Variants in ZP2 observed in about 807,000 individuals in gnomAD.
ZP2 encodes the protein zona pellucida sperm-binding protein 2.
A neutral mutation model predicts 84.0 loss-of-function variants in ZP2; 51 were observed. That is an observed-to-expected ratio of 0.61 (90% confidence interval 0.49 to 0.77). The LOEUF (loss-of-function observed/expected upper bound fraction) is 0.77. ZP2 is among the 30% of genes least tolerant of loss of function. The pLI, the probability that ZP2 is intolerant of heterozygous loss-of-function variation, is 0.00. For missense variants in ZP2, 909 were observed against 911.9 expected (o/e 1.00, Z 0.04); for synonymous variants, 375 against 330.9 (o/e 1.13, Z -1.45).
At chr16:21,209,753 G>A (rs915165584) in intron 3 of ZP2, 28 bp from the exon 4 acceptor site, 2 of 1,599,934 alleles carry the variant, frequency 1.3e-6, no homozygotes, top group Middle Eastern at 1.7e-4. Context: ...GGTTAGACAG[G>A]ATGGCTGAGT....
chr16:21,202,677 A>T (rs1005477369), intron 10 of ZP2, among the ~76,000 whole-genome samples: 1 of 152,114 alleles, frequency 6.6e-6, no homozygotes, highest in Non-Finnish European at 1.5e-5. Flanking sequence ...TAGTTTGGGG[A>T]GAAACTGAGG....
intron 5 of ZP2, among the ~76,000 whole-genome samples, chr16:21,206,324 T>G (rs916830232): frequency 6.6e-6 from 1 of 152,208 alleles, no homozygotes; most frequent in African/African-American, 2.4e-5. Context: ...CGTTTGCCCT[T>G]TCACCAATGT....
At chr16:21,211,964 G>A (rs2093277258), upstream of ZP2, among the ~76,000 whole-genome samples, 1 of 144,890 alleles carries the variant, frequency 6.9e-6, no homozygotes, top group South Asian at 2.1e-4. Flanking sequence ...GTTTCACTCT[G>A]TCACCCAGGC....
At chr16:21,213,438 G>A (rs1404372704), upstream of ZP2, among the ~76,000 whole-genome samples, 1 of 152,172 alleles carries the variant, frequency 6.6e-6, no homozygotes, top group Non-Finnish European at 1.5e-5. Flanking sequence ...TGTAACCTGA[G>A]GCATCTGAAA....
chr16:21,214,312 G>A (rs147602933), upstream of ZP2: 32 of 984,548 alleles, frequency 3.3e-5, no homozygotes, highest in Middle Eastern at 1.0e-3. Context: ...ATTCTGCTCC[G>A]GAAAAGCAGG....
chr16:21,205,908 T>C, intron 5 of ZP2, 133 bp from the exon 6 acceptor site: 1 of 814,842 alleles, frequency 1.2e-6, no homozygotes, highest in Non-Finnish European at 2.1e-6. Context: ...ACATGAACCC[T>C]GACTGTGCCC....
chr16:21,205,884 G>A lies in ZP2; in HGVS notation c.484-109C>T, dbSNP rs2093247497. On this transcript the variant is annotated intron_variant, in intron 5 of 18. Coordinates refer to ENST00000574091, the MANE Select transcript of ZP2 (RefSeq NM_001376232.1). ...CATACCAAAAGGCCTGCTGTGGGAT[G>A]CAGTGGAAGAAGCACATGAACCCTG... 6 of 1,067,348 alleles carry A rather than the reference G, an allele frequency of 5.6e-6. No individual in the cohort carries two copies. In the East Asian group the frequency reaches 1.3e-4, roughly 23 times the overall value. The allele number at this position is 1,067,348 out of a possible 1,614,324, so 66.1% of individuals were successfully genotyped here.
intron 9 of ZP2, 32 bp from the exon 10 acceptor site, chr16:21,203,283 A>G (rs754977565): frequency 6.2e-7 from 1 of 1,610,252 alleles, no homozygotes; most frequent in Non-Finnish European, 8.5e-7. Context: ...TAGCAGCCAC[A>G]GTCCGTTGGG....
chr16:21,211,462 C>T, intron 1 of ZP2, 24 bp downstream of exon 1: 3 of 1,614,040 alleles, frequency 1.9e-6, no homozygotes, highest in African/African-American at 1.3e-5. Context: ...CATACCCCCT[C>T]CCTCCACTTC....
chr16:21,207,671 CACACACACA>C (rs781689090), intron 4 of ZP2, among the ~76,000 whole-genome samples: 1 of 83,060 alleles, frequency 1.2e-5, no homozygotes, highest in African/African-American at 5.6e-5. Flanking sequence ...CACACACACA[CACACACACA>C]CCACAAAAGT....
intron 10 of ZP2, 38 bp from the exon 11 acceptor site, chr16:21,202,329 C>A (rs145342588): frequency 2.7e-6 from 4 of 1,479,330 alleles, no homozygotes; most frequent in Non-Finnish European, 3.6e-6. Context: ...ATAAGTTTGT[C>A]TGCCCTGTGA....
chr16:21,211,658 G>A, upstream of ZP2: 5 of 1,593,042 alleles, frequency 3.1e-6, no homozygotes, highest in Non-Finnish European at 4.3e-6. Context: ...CCTGAATCTT[G>A]TCCCATTCTC....
intron 10 of ZP2, 40 bp downstream of exon 10, chr16:21,203,085 A>G: frequency 6.2e-7 from 1 of 1,602,534 alleles, no homozygotes; most frequent in Non-Finnish European, 8.5e-7. Flanking sequence ...GAGCCAAGGG[A>G]GAAAAAAGGT....
intron 5 of ZP2, chr16:21,206,031 C>A: frequency 1.9e-6 from 1 of 513,580 alleles, no homozygotes. Context: ...TAGAGTTTCG[C>A]TCATCGCCCA....
At chr16:21,210,877 A>AATTTTTTTTT (rs756734410) in intron 2 of ZP2, among the ~76,000 whole-genome samples, 1 of 133,638 alleles carries the variant, frequency 7.5e-6, no homozygotes, top group African/African-American at 2.9e-5. Flanking sequence ...GCCTGGCTGC[A>AATTTTTTTTT]TTTTTTTTTT....
At chr16:21,214,138 G>A, upstream of ZP2, 1 of 708,096 alleles carries the variant, frequency 1.4e-6, no homozygotes, top group Middle Eastern at 7.2e-4. Flanking sequence ...GGGCAGCACA[G>A]AGACCCCAAG....
intron 17 of ZP2, among the ~76,000 whole-genome samples, chr16:21,198,420 G>A (rs754205138): frequency 6.6e-6 from 1 of 152,110 alleles, no homozygotes; most frequent in Non-Finnish European, 1.5e-5. Flanking sequence ...AAGGATTCTA[G>A]TATGGACTGA....
chr16:21,207,680 A>ACACC (rs2093256596), intron 4 of ZP2, among the ~76,000 whole-genome samples: 2 of 138,748 alleles, frequency 1.4e-5, no homozygotes, highest in African/African-American at 5.5e-5. Context: ...ACACACACAC[A>ACACC]CCACAAAAGT....
intron 10 of ZP2, 37 bp from the exon 11 acceptor site, chr16:21,202,328 T>A (rs1181406872): frequency 6.8e-7 from 1 of 1,480,512 alleles, no homozygotes; most frequent in African/African-American, 1.4e-5. Flanking sequence ...AATAAGTTTG[T>A]CTGCCCTGTG....
Sources: allele counts gnomAD v4.1 joint callset (sites outside exome capture counted in the v4.1 genomes callset), GRCh38; gene constraint gnomAD v4.1.1; transcripts MANE v1.5; gene names NCBI Gene and HGNC (gene_info 2026-07-23, HGNC 2026-07-21).